Variants in TF observed in about 807,000 individuals in gnomAD.
TF encodes the protein serotransferrin.
A neutral mutation model predicts 82.4 loss-of-function variants in TF; 55 were observed. The observed-to-expected ratio is 0.67, with a 90% confidence interval of 0.54 to 0.84. TF has a LOEUF of 0.84. TF is among the 40% of genes least tolerant of loss of function. The pLI is 0.00. For synonymous variants in TF, 332 were observed against 332.6 expected (o/e 1.00, Z 0.02); for missense variants, 737 against 868.4 (o/e 0.85, Z 1.90).
At chr3:133,742,831 G>A (rs955850821), upstream of TF, among the ~76,000 whole-genome samples, 6 of 152,170 alleles carry the variant, frequency 3.9e-5, no homozygotes, top group Non-Finnish European at 5.9e-5. Context: ...ACCTCCTGCT[G>A]GTCAGCTTTT....
chr3:133,669,126 G>A, the TF span, among the ~76,000 whole-genome samples: 14 of 151,938 alleles, frequency 9.2e-5, no homozygotes, highest in East Asian at 1.9e-4. Flanking sequence ...TTGACCTCCC[G>A]AGTAGCTGGG....
Position 133,787,104 on chromosome 3 carries a change from T to G in TF, c.*8484T>G, listed in dbSNP as rs991906280. 6.6e-6 allele frequency: 1 copy of G among 152,254 alleles called. No individual in the cohort carries two copies. Among genetic ancestry groups the G allele is most frequent in the Non-Finnish European group, 1.5e-5 (1 of 68,046 alleles). The allele number at this position is 152,254 out of a possible 1,614,324, so 9.4% of individuals were successfully genotyped here. ...TCACTTGCCATTTTTCTGTCTGTTTTGTGCATTTTGTTTTGCTGTGTATGT... is the reference window on the plus strand; with the variant it reads ...TCACTTGCCATTTTTCTGTCTGTTTGGTGCATTTTGTTTTGCTGTGTATGT... On this transcript the variant is annotated 3_prime_UTR_variant, in exon 17 of 17. Transcript: ENST00000402696.
At chr3:133,744,428 G>A (rs8177178), upstream of TF, among the ~76,000 whole-genome samples, 50,503 of 152,112 alleles carry the variant, frequency 0.33, 8,622 homozygotes, top group East Asian at 0.41. Context: ...CTGTATGTGT[G>A]CATGCTGCTC....
the TF span, chr3:133,710,173 G>A: frequency 6.6e-6 from 1 of 152,658 alleles, no homozygotes. Flanking sequence ...TATGGCCGTA[G>A]ACCATCCTCA....
chr3:133,753,173 G>A (rs1933724181), intron 2 of TF, among the ~76,000 whole-genome samples: 1 of 152,154 alleles, frequency 6.6e-6, no homozygotes, highest in Admixed American at 6.5e-5. Context: ...AGAAGAGCGT[G>A]GCCAGCCCAA....
chr3:133,699,756 G>A, the TF span: 2 of 375,222 alleles, frequency 5.3e-6, no homozygotes, highest in South Asian at 4.2e-5. Flanking sequence ...CATGCCACAT[G>A]TGATCCTCTT....
rs142620411 is a variant in TF, at chr3:133,796,622, C to A, written c.*18002C>A. 6.6e-6 allele frequency: 1 copy of A among 152,164 alleles called. No individual in the cohort carries two copies. Among genetic ancestry groups the A allele is most frequent in the Admixed American group, 6.5e-5 (1 of 15,274 alleles). The allele number at this position is 152,164 out of a possible 1,614,324, so 9.4% of individuals were successfully genotyped here. ...GGAGTGTACTTTTGTTTTCAATAAA[C>A]CTCTGCTTTTGTTGCTTCATTCTTT... On this transcript the variant is annotated 3_prime_UTR_variant, in exon 17 of 17. Coordinates refer to ENST00000402696, the MANE Select transcript of TF (RefSeq NM_001063.4).
chr3:133,679,569 C>CTTTTTTTTTTTTTTTTTTTGTTT, the TF span, among the ~76,000 whole-genome samples: 1 of 75,382 alleles, frequency 1.3e-5, no homozygotes, highest in Non-Finnish European at 2.4e-5. Context: ...CTTTGTTTGG[C>CTTTTTTTTTTTTTTTTTTTGTTT]TTTTTTTTTT....
chr3:133,670,155 G>A, the TF span, among the ~76,000 whole-genome samples: 1 of 152,192 alleles, frequency 6.6e-6, no homozygotes, highest in Non-Finnish European at 1.5e-5. Context: ...TGCCAGCTTG[G>A]ACACCTACTA....
At chr3:133,733,309 G>A in the TF span, among the ~76,000 whole-genome samples, 1 of 152,140 alleles carries the variant, frequency 6.6e-6, no homozygotes, top group Non-Finnish European at 1.5e-5. Context: ...TGTGACACAG[G>A]CTGCCTATTT....
rs1203663309 is a variant in TF, at chr3:133,781,724, G to C, written c.*3104G>C. On this transcript the variant is annotated 3_prime_UTR_variant, in exon 17 of 17. Coordinates refer to ENST00000402696, the MANE Select transcript of TF (RefSeq NM_001063.4). ...GCTCTTCCAGCTGTTAAAATGTAAT[G>C]ATAAGCTCCTGAACCTTGGCCTTAG... The C allele has an allele frequency of 6.6e-6, 1 of 152,098 alleles. No homozygotes were observed. Among genetic ancestry groups the C allele is most frequent in the East Asian group, 1.9e-4 (1 of 5,196 alleles). The allele number at this position is 152,098 out of a possible 1,614,324, so 9.4% of individuals were successfully genotyped here. A position where few individuals can be genotyped will look rare whatever the true frequency, so the allele number is the denominator to read the frequency against.
At chr3:133,729,662 C>A in the TF span, among the ~76,000 whole-genome samples, 17 of 152,260 alleles carry the variant, frequency 1.1e-4, no homozygotes, top group African/African-American at 4.1e-4. Flanking sequence ...TGCGCTGCAC[C>A]CAGTGTCCTG....
the TF span, among the ~76,000 whole-genome samples, chr3:133,729,039 C>T: frequency 1.3e-5 from 2 of 152,132 alleles, no homozygotes; most frequent in African/African-American, 4.8e-5. Flanking sequence ...GAGTACCCGG[C>T]CGTGTAAGGT....
rs528157099 is a variant in TF, at chr3:133,782,610, C to A, written c.*3990C>A. The A allele has an allele frequency of 6.6e-6, 1 of 151,924 alleles. No homozygotes were observed. The highest frequency in any genetic ancestry group is 1.5e-5 in the Non-Finnish European group (1 of 68,004). 9.4% of individuals were successfully genotyped at this position (151,924 alleles called of 1,614,324 possible). On this transcript the variant is annotated 3_prime_UTR_variant, in exon 17 of 17. Coordinates refer to ENST00000402696, the MANE Select transcript of TF (RefSeq NM_001063.4). ...CTCAAATACAGGTATACAGAGATAA[C>A]AAAACCTGAGGTGGAGGAGGGTGGA...
upstream of TF, among the ~76,000 whole-genome samples, chr3:133,742,509 C>T (rs1411961023): frequency 6.6e-6 from 1 of 152,082 alleles, no homozygotes; most frequent in African/African-American, 2.4e-5. Context: ...TGTCATGTGG[C>T]ATTTCAAAAT....
chr3:133,785,209 T>G lies in TF; in HGVS notation c.*6589T>G, dbSNP rs1359192710. The G allele has an allele frequency of 1.7e-5, 1 of 60,532 alleles. No homozygotes were observed. The highest frequency in any genetic ancestry group is 1.0e-3 in the South Asian group (1 of 982). 3.7% of individuals were successfully genotyped at this position (60,532 alleles called of 1,614,324 possible). On this transcript the variant is annotated 3_prime_UTR_variant, in exon 17 of 17. Transcript: ENST00000402696. The stretch of plus-strand genomic sequence containing the variant: ...CCTCCGCCCGGCCAGCCGCCCCGTC[T>G]GGGAGGTGAGGGGCGCCTCTGCCCG...
At position 133,789,151 on chromosome 3, in the gene TF, G is replaced by T. The variant is rs1399671411; in HGVS notation, c.*10531G>T. 6.6e-6 allele frequency: 1 copy of T among 152,294 alleles called. No individual in the cohort carries two copies. The highest frequency in any genetic ancestry group is 1.5e-5 in the Non-Finnish European group (1 of 68,098). 9.4% of individuals were successfully genotyped at this position (152,294 alleles called of 1,614,324 possible). ...AGACTTCAACCTCTCCAAAGGGGAT[G>T]CCCTTGGCAGCAGTTCTAAGGACTA... On this transcript the variant is annotated 3_prime_UTR_variant, in exon 17 of 17. Coordinates refer to ENST00000402696, the MANE Select transcript of TF (RefSeq NM_001063.4).
chr3:133,753,874 G>A, intron 3 of TF, 171 bp downstream of exon 3: 1 of 692,626 alleles, frequency 1.4e-6, no homozygotes, highest in Non-Finnish European at 2.6e-6. Flanking sequence ...CAAGGCCTCT[G>A]GGGGCTTTGG....
the TF span, among the ~76,000 whole-genome samples, chr3:133,727,834 CTT>C: frequency 9.6e-6 from 1 of 104,220 alleles, no homozygotes; most frequent in Non-Finnish European, 2.1e-5. Context: ...TTCAGGAACT[CTT>C]TTAGGGCAGG....
Sources: gnomAD v4.1 joint callset for allele counts (sites outside exome capture counted in the v4.1 genomes callset) on GRCh38, gnomAD v4.1.1 for gene constraint, MANE v1.5 for transcripts, NCBI Gene and HGNC (gene_info 2026-07-23, HGNC 2026-07-21) for gene names.